RUNX2: variants seen among roughly 807,000 people sequenced by gnomAD.
RUNX2 encodes the protein runt-related transcription factor 2.
A neutral mutation model predicts 51.7 loss-of-function variants in RUNX2; 10 were observed. The observed-to-expected ratio is 0.19, with a 90% CI of 0.12 to 0.33. The LOEUF is 0.33. Among genes scored for constraint, RUNX2 ranks in the 10% least tolerant of loss-of-function variants. RUNX2 has a pLI of 1.00. For synonymous variants in RUNX2, 276 were observed against 273.6 expected (o/e 1.01, Z -0.09); for missense variants, 562 against 691.3 (o/e 0.81, Z 2.10).
At chr6:45,464,291 A>C (rs369915921) in intron 5 of RUNX2, among the ~76,000 whole-genome samples, 7 of 152,108 alleles carry the variant, frequency 4.6e-5, no homozygotes, top group African/African-American at 1.7e-4. Context: ...TTTCACCCTT[A>C]TGTGCAAGGT....
At chr6:45,378,005 A>C (rs571150851) in intron 2 of RUNX2, 1 of 151,664 alleles carries the variant, frequency 6.6e-6, no homozygotes, top group East Asian at 2.0e-4. Flanking sequence ...GCGGAGACTG[A>C]GGAGTAAGCG....
At chr6:45,428,642 T>C (rs886127158) in intron 3 of RUNX2, among the ~76,000 whole-genome samples, 7 of 152,154 alleles carry the variant, frequency 4.6e-5, no homozygotes, top group African/African-American at 1.2e-4. Flanking sequence ...ATATTGAATA[T>C]GGTCATTATT....
In RUNX2 at chr6:45,549,387, G is replaced by A. The variant is rs771149393; in HGVS notation, c.*2082G>A. On this transcript the variant is annotated 3_prime_UTR_variant, in exon 9 of 9. Coordinates refer to ENST00000647337, the MANE Select transcript of RUNX2 (RefSeq NM_001024630.4). ...CAGCTGGACCTGTGCTTCCTGCCTGGGAGTCTCCCTTGGAATTCATCCTGA... is the reference window on the plus strand; with the variant it reads ...CAGCTGGACCTGTGCTTCCTGCCTGAGAGTCTCCCTTGGAATTCATCCTGA... 7.5e-6 allele frequency: 3 copies of A among 398,382 alleles called. No homozygotes were observed. Among genetic ancestry groups the A allele is most frequent in the Non-Finnish European group, 1.3e-5 (3 of 226,058 alleles). 24.7% of individuals were successfully genotyped at this position (398,382 alleles called of 1,614,324 possible).
rs1801178089 is a variant in RUNX2 at position 45,512,253 on chromosome 6, G to A, written c.867G>A (p.Arg289=). 1.2e-6 allele frequency: 2 copies of A among 1,613,682 alleles called. No individual in the cohort carries two copies. The highest frequency in any genetic ancestry group is 4.5e-5 in the East Asian group (2 of 44,876). The change falls in exon 7 of 9, where the codon AGG becomes AGA. Residue 289 remains arginine (R), a synonymous_variant. Transcript: ENST00000647337. ...PQGQSQITDP[R]QAQSSPPWSY... The stretch of plus-strand genomic sequence containing the variant: ...TCTTTTTCTTTTTCCCAGACCCCAG[G>A]CAGGCACAGTCTTCCCCGCCGTGGT...
In RUNX2 at chr6:45,547,066, C is replaced by G; in HGVS notation, c.1327C>G (p.Pro443Ala). 1 of 1,614,104 alleles carries G rather than the reference C, an allele frequency of 6.2e-7. No individual in the cohort carries two copies. The highest frequency in any genetic ancestry group is 8.5e-7 in the Non-Finnish European group (1 of 1,180,004). Residue 443 changes from proline (P) to alanine (A), a missense_variant, in exon 9 of 9, where the codon CCA becomes GCA. Physicochemically the swap from Pro to Ala is conservative, Grantham distance 27. This residue lies in a region of RUNX2 where 304 missense variants were observed against 353.2 expected (regional missense o/e 0.86). Transcript: ENST00000647337. ...TGGACCCTTCCAGACCAGCAGCACT[C>G]CATATCTCTACTATGGCACTTCGTC... ...QSGPFQTSST[P>A]YLYYGTSSGS...
At chr6:45,421,138 A>G (rs1798176095) in intron 2 of RUNX2, 1 of 152,168 alleles carries the variant, frequency 6.6e-6, no homozygotes, top group Non-Finnish European at 1.5e-5. Context: ...GAAGACAGAC[A>G]CGAAACTTAG....
chr6:45,466,103 G>A (rs1470802268), intron 5 of RUNX2, among the ~76,000 whole-genome samples: 1 of 151,788 alleles, frequency 6.6e-6, no homozygotes, highest in African/African-American at 2.4e-5. Flanking sequence ...CACTTGAGGC[G>A]GGGAGTTCGA....
intron 6 of RUNX2, among the ~76,000 whole-genome samples, chr6:45,493,730 C>CTGTGTGTG (rs34362546): frequency 2.0e-5 from 3 of 146,992 alleles, no homozygotes; most frequent in South Asian, 4.3e-4. Flanking sequence ...AATCCTTAGA[C>CTGTGTGTG]TGTGTGTGTG....
At chr6:45,537,158 TTCA>T (rs1802063875) in intron 7 of RUNX2, among the ~76,000 whole-genome samples, 1 of 152,218 alleles carries the variant, frequency 6.6e-6, no homozygotes, top group East Asian at 1.9e-4. Flanking sequence ...CTTCATATCA[TTCA>T]GAACACCAGT....
At chr6:45,531,813 T>G (rs558302134) in intron 7 of RUNX2, among the ~76,000 whole-genome samples, 1 of 152,244 alleles carries the variant, frequency 6.6e-6, no homozygotes, top group South Asian at 2.1e-4. Context: ...TTAAAGCTAC[T>G]TAAATTTTGC....
At chr6:45,478,033 T>C (rs981776890) in intron 5 of RUNX2, among the ~76,000 whole-genome samples, 6 of 152,122 alleles carry the variant, frequency 3.9e-5, no homozygotes, top group African/African-American at 1.4e-4. Flanking sequence ...TTCCTTCTGG[T>C]TGGAATGTTA....
intron 5 of RUNX2, among the ~76,000 whole-genome samples, chr6:45,480,541 A>G (rs1257205298): frequency 6.6e-6 from 1 of 152,206 alleles, no homozygotes; most frequent in Non-Finnish European, 1.5e-5. Context: ...TGTTCCTTCC[A>G]TGCCTGACCT....
chr6:45,443,038 T>A (rs62400355), intron 5 of RUNX2, among the ~76,000 whole-genome samples: 1 of 18,814 alleles, frequency 5.3e-5, no homozygotes, highest in Non-Finnish European at 8.9e-5. Context: ...AGGCCTTGCT[T>A]TTTTTTTTTT....
At chr6:45,365,115 G>A (rs897904764) in intron 2 of RUNX2, 2 of 802,752 alleles carry the variant, frequency 2.5e-6, no homozygotes, top group Non-Finnish European at 3.8e-6. Context: ...TCCAAGTTAA[G>A]TTTTATAAAT....
intron 2 of RUNX2, among the ~76,000 whole-genome samples, chr6:45,402,492 T>C (rs1424474399): frequency 6.6e-6 from 1 of 152,214 alleles, no homozygotes; most frequent in Non-Finnish European, 1.5e-5. Flanking sequence ...TTTAGGAATT[T>C]TTATAGAGCT....
intron 2 of RUNX2, among the ~76,000 whole-genome samples, chr6:45,366,105 T>C (rs543513602): frequency 1.3e-5 from 2 of 152,324 alleles, no homozygotes; most frequent in East Asian, 3.9e-4. Context: ...ATACTGGAAG[T>C]GCTCAATAAA....
At chr6:45,416,192 T>G (rs575860805) in intron 2 of RUNX2, among the ~76,000 whole-genome samples, 1 of 152,196 alleles carries the variant, frequency 6.6e-6, no homozygotes, top group Admixed American at 6.5e-5. Context: ...AGAACCAAGT[T>G]GAACTCTTAC....
At chr6:45,337,494 G>A (rs539779319) in intron 2 of RUNX2, among the ~76,000 whole-genome samples, 2 of 151,536 alleles carry the variant, frequency 1.3e-5, no homozygotes, top group Non-Finnish European at 3.0e-5. Flanking sequence ...TTTTTAAGCT[G>A]ATGCATCTAC....
chr6:45,330,269 G>A (rs1424415580), intron 2 of RUNX2, among the ~76,000 whole-genome samples: 1 of 151,862 alleles, frequency 6.6e-6, no homozygotes, highest in Non-Finnish European at 1.5e-5. Flanking sequence ...TATTAAGGAA[G>A]CAGGACATAA....
Sources: gnomAD v4.1 joint callset for allele counts (sites outside exome capture counted in the v4.1 genomes callset) on GRCh38, gnomAD v4.1.1 for gene constraint, gnomAD v4.1.1 regional missense constraint, MANE v1.5 for transcripts, NCBI Gene and HGNC (gene_info 2026-07-23, HGNC 2026-07-21) for gene names.